The following NVL variants were observed in gnomAD, a reference collection of about 807,000 sequenced individuals.
NVL encodes the protein nuclear VCP like, also known as nuclear valosin-containing protein-like.
NVL carries 84 observed loss-of-function variants against 110.2 expected under a neutral mutation model. The ratio of observed to expected loss-of-function variants is 0.76; its 90% confidence interval spans 0.64 to 0.91. NVL has a LOEUF of 0.91. NVL is among the 40% of genes least tolerant of loss of function. NVL has a pLI of 0.00. For missense variants in NVL, 882 were observed against 1,035.9 expected (o/e 0.85, Z 2.04); for synonymous variants, 354 against 361.1 (o/e 0.98, Z 0.22).
intron 19 of NVL, among the ~76,000 whole-genome samples, chr1:224,244,748 C>T (rs191466018): frequency 1.3e-4 from 20 of 150,484 alleles, no homozygotes; most frequent in Admixed American, 9.4e-4. Flanking sequence ...AGTGCAGTGG[C>T]GTAATCTCGG....
At chr1:224,324,931 A>G (rs1404580434) in intron 2 of NVL, among the ~76,000 whole-genome samples, 1 of 152,128 alleles carries the variant, frequency 6.6e-6, no homozygotes. Context: ...ACCTCTGAAT[A>G]TGACTGCATT....
intron 19 of NVL, among the ~76,000 whole-genome samples, chr1:224,243,404 C>T (rs1448349822): frequency 2.6e-5 from 4 of 151,806 alleles, no homozygotes; most frequent in African/African-American, 4.8e-5. Flanking sequence ...GAGGCTGCAG[C>T]GAGCCAAGAC....
intron 21 of NVL, 77 bp downstream of exon 21, chr1:224,233,124 G>A (rs1012065504): frequency 1.1e-5 from 14 of 1,248,968 alleles, no homozygotes; most frequent in Non-Finnish European, 5.7e-6. Context: ...ATAGACACTA[G>A]AAAATGGTCA....
chr1:224,242,349 G>A (rs917221435), intron 19 of NVL, among the ~76,000 whole-genome samples: 2 of 151,952 alleles, frequency 1.3e-5, no homozygotes, highest in Non-Finnish European at 2.9e-5. Context: ...AAAAAGTTAT[G>A]GCTCATTTAC....
intron 15 of NVL, among the ~76,000 whole-genome samples, chr1:224,284,532 C>T (rs1212596642): frequency 1.3e-5 from 2 of 152,028 alleles, no homozygotes; most frequent in African/African-American, 2.4e-5. Flanking sequence ...TGCACCACTA[C>T]ATCTGGCTAA....
chr1:224,260,818 C>T (rs1249221208), intron 18 of NVL, among the ~76,000 whole-genome samples: 2 of 150,878 alleles, frequency 1.3e-5, no homozygotes, highest in Admixed American at 6.6e-5. Context: ...CCTCCTGCCT[C>T]AGCTTCCCAA....
chr1:224,311,541 G>C (rs1478754369), intron 5 of NVL, among the ~76,000 whole-genome samples: 1 of 151,836 alleles, frequency 6.6e-6, no homozygotes, highest in Non-Finnish European at 1.5e-5. Flanking sequence ...GCTAACTTTT[G>C]TATTTTTTGT....
chr1:224,293,745 T>A (rs1264082273), intron 12 of NVL, among the ~76,000 whole-genome samples: 2 of 152,224 alleles, frequency 1.3e-5, no homozygotes, highest in Non-Finnish European at 2.9e-5. Context: ...TGAGTATGGA[T>A]ACATAAGTCC....
intron 9 of NVL, chr1:224,302,993 G>A (rs558081306): frequency 1.5e-5 from 4 of 261,150 alleles, no homozygotes; most frequent in African/African-American, 2.3e-5. Context: ...AGGCTGTAGT[G>A]AGCCATGATT....
intron 22 of NVL, among the ~76,000 whole-genome samples, chr1:224,228,711 G>A (rs1235613023): frequency 1.3e-5 from 2 of 150,036 alleles, no homozygotes; most frequent in East Asian, 4.0e-4. Flanking sequence ...AGGCTGAGAT[G>A]GGTGGATCAC....
chr1:224,280,083 A>G (rs753907984), intron 16 of NVL, among the ~76,000 whole-genome samples: 4 of 152,062 alleles, frequency 2.6e-5, no homozygotes, highest in Non-Finnish European at 5.9e-5. Flanking sequence ...AATAAGCACC[A>G]AATTCAGCCT....
intron 18 of NVL, among the ~76,000 whole-genome samples, chr1:224,254,050 G>A (rs945652605): frequency 6.6e-6 from 1 of 152,044 alleles, no homozygotes; most frequent in Non-Finnish European, 1.5e-5. Context: ...AAATAATTTT[G>A]TAAACTGACA....
intron 10 of NVL, among the ~76,000 whole-genome samples, chr1:224,299,275 C>A (rs544810353): frequency 6.6e-6 from 1 of 152,208 alleles, no homozygotes; most frequent in African/African-American, 2.4e-5. Flanking sequence ...AGAAAACAAG[C>A]ACATCAGTAC....
At chr1:224,289,226 G>T in intron 13 of NVL, 2 of 406,370 alleles carry the variant, frequency 4.9e-6, no homozygotes, top group Non-Finnish European at 8.8e-6. Flanking sequence ...GTGGTGGGTG[G>T]GTAGGCCACA....
intron 4 of NVL, among the ~76,000 whole-genome samples, chr1:224,317,406 G>A (rs1413736293): frequency 5.9e-5 from 9 of 152,230 alleles, no homozygotes; most frequent in African/African-American, 2.2e-4. Flanking sequence ...TTAAAAAGGG[G>A]TCTTAGGCCT....
intron 19 of NVL, among the ~76,000 whole-genome samples, chr1:224,239,623 A>G (rs1463039644): frequency 6.6e-6 from 1 of 152,186 alleles, no homozygotes; most frequent in African/African-American, 2.4e-5. Flanking sequence ...CCCTGTTTTA[A>G]TCAAAAGCTG....
At chr1:224,317,985 T>C (rs1388009857) in intron 2 of NVL, 55 bp from the exon 3 acceptor site, 2 of 1,233,674 alleles carry the variant, frequency 1.6e-6, no homozygotes, top group Non-Finnish European at 2.3e-6. Flanking sequence ...TATTTTTCCA[T>C]TAAGTTCAAT....
At position 224,250,257 on chromosome 1, in the gene NVL, T is replaced by C; in HGVS notation, c.2244A>G (p.Leu748=). The C allele has an allele frequency of 6.2e-7, 1 of 1,609,754 alleles. No homozygotes were observed. Among genetic ancestry groups the C allele is most frequent in the Non-Finnish European group, 8.5e-7 (1 of 1,178,248 alleles). Residue 748 remains leucine (L), a synonymous_variant, in exon 19 of 23, where the codon TTA becomes TTG. Coordinates refer to ENST00000281701, the MANE Select transcript of NVL (RefSeq NM_002533.4). The part of the protein sequence containing the change: ...GRLDKTLFVG[L]PPPADRLAIL... ...TGGCAAGGCGATCTGCAGGGGGCGG[T>C]AAACCCACAAACAGTGTTTTGTCCA...
chr1:224,284,526 C>A (rs1666670246), intron 15 of NVL, among the ~76,000 whole-genome samples: 1 of 151,978 alleles, frequency 6.6e-6, no homozygotes, highest in Non-Finnish European at 1.5e-5. Context: ...CAGGCATGCA[C>A]CACTACATCT....
Sources: allele counts gnomAD v4.1 joint callset (sites outside exome capture counted in the v4.1 genomes callset), GRCh38; gene constraint gnomAD v4.1.1; transcripts MANE v1.5; gene names NCBI Gene and HGNC (gene_info 2026-07-23, HGNC 2026-07-21).